OSBPL9: variants seen among roughly 807,000 people sequenced by gnomAD.
OSBPL9 encodes oxysterol-binding protein-related protein 9.
A neutral mutation model predicts 106.6 loss-of-function variants in OSBPL9; 40 were observed. The observed-to-expected ratio is 0.38, with a 90% CI of 0.29 to 0.49. OSBPL9 has a LOEUF of 0.49. OSBPL9 is among the 20% of genes least tolerant of loss of function. OSBPL9 has a pLI of 0.97. For missense variants in OSBPL9, 609 were observed against 887.2 expected (o/e 0.69, Z 3.98); for synonymous variants, 269 against 295.4 (o/e 0.91, Z 0.92).
chr1:51,709,884 A>C (rs1387825901), intron 3 of OSBPL9: 1 of 152,444 alleles, frequency 6.6e-6, no homozygotes. Flanking sequence ...GCATGGTCCA[A>C]CATCCTCACA....
At chr1:51,782,528 C>G in intron 16 of OSBPL9, 31 bp from the exon 17 acceptor site, 3 of 1,602,396 alleles carry the variant, frequency 1.9e-6, no homozygotes, top group Non-Finnish European at 2.6e-6. Flanking sequence ...GTTTTCTCAT[C>G]AAAAGAAAAT....
chr1:51,589,607 T>C (rs1645263114), intron 1 of OSBPL9, among the ~76,000 whole-genome samples: 1 of 152,002 alleles, frequency 6.6e-6, no homozygotes, highest in Non-Finnish European at 1.5e-5. Context: ...GAGCAAACCA[T>C]ATGAATATCT....
At chr1:51,624,542 G>A (rs1007525168) in intron 1 of OSBPL9, among the ~76,000 whole-genome samples, 44 of 151,984 alleles carry the variant, frequency 2.9e-4, no homozygotes, top group Admixed American at 2.0e-4. Context: ...CTGAGATCAC[G>A]CCACTGCACT....
chr1:51,772,101 A>G lies in OSBPL9; in HGVS notation c.970A>G (p.Ser324Gly). The G allele has an allele frequency of 6.2e-7, 1 of 1,614,060 alleles. No individual in the cohort carries two copies. Among genetic ancestry groups the G allele is most frequent in the South Asian group, 1.1e-5 (1 of 91,086 alleles). The change falls in exon 13 of 24, where the codon AGC becomes GGC. Residue 324 changes from serine to glycine, a missense_variant. Physicochemically the swap from Ser to Gly is moderately conservative, Grantham distance 56. Transcript: ENST00000428468. ...TGGATCTGCCTCAGTCCTGACACAC[A>G]GCAGCTCGGGAAATAGTCTAAAACG... ...SSGSASVLTH[S>G]SSGNSLKRPD...
chr1:51,598,736 G>A (rs1213245668), intron 2 of OSBPL9, among the ~76,000 whole-genome samples: 1 of 152,190 alleles, frequency 6.6e-6, no homozygotes, highest in East Asian at 1.9e-4. Flanking sequence ...GCTCACGCCT[G>A]TAATCCTAGC....
chr1:51,742,617 T>G (rs746927940), intron 4 of OSBPL9, among the ~76,000 whole-genome samples: 5 of 152,002 alleles, frequency 3.3e-5, no homozygotes, highest in Non-Finnish European at 7.4e-5. Context: ...ATGCCTATAG[T>G]CCCAGCTACT....
chr1:51,544,837 C>CTTTT, the OSBPL9 span, among the ~76,000 whole-genome samples: 323 of 80,282 alleles, frequency 4.0e-3, 1 homozygote, highest in Non-Finnish European at 5.3e-3. Flanking sequence ...AAGAGACATG[C>CTTTT]TTTTTTTTTT....
intron 4 of OSBPL9, among the ~76,000 whole-genome samples, chr1:51,739,828 G>A (rs1228180964): frequency 2.6e-5 from 4 of 151,986 alleles, no homozygotes; most frequent in African/African-American, 7.2e-5. Flanking sequence ...ACAGATTAGT[G>A]TGCCTCACAT....
At chr1:51,761,072 A>G (rs889556945) in intron 10 of OSBPL9, among the ~76,000 whole-genome samples, 12 of 152,326 alleles carry the variant, frequency 7.9e-5, no homozygotes, top group South Asian at 2.1e-4. Flanking sequence ...CTCAGAATTC[A>G]TGGCTAGCGA....
the OSBPL9 span, among the ~76,000 whole-genome samples, chr1:51,568,406 A>T: frequency 1.3e-5 from 2 of 152,212 alleles, no homozygotes; most frequent in Admixed American, 1.3e-4. Flanking sequence ...TTGGTATTCA[A>T]ACCCAAGGCT....
intron 1 of OSBPL9, among the ~76,000 whole-genome samples, chr1:51,634,454 G>C (rs964636747): frequency 8.5e-5 from 13 of 152,200 alleles, no homozygotes; most frequent in African/African-American, 3.1e-4. Context: ...GAGGTTGTAG[G>C]GAAGTTGAAA....
rs1051985916 is a variant in OSBPL9 at position 51,788,893 on chromosome 1, G to GTAT, written c.*1107_*1109dup. Among the ~76,000 whole-genome samples the GTAT allele has an allele frequency of 3.2e-4, 47 of 147,070 alleles. No individual in the cohort carries two copies. The East Asian group carries it at 8.3e-3, about 26-fold the overall frequency. Reference sequence around the variant, plus strand: ...ATTTAAAAATACATTAAAAAAACAGGTATTAGTACCTAGCATTTAGTTAGT... The same window carrying GTAT: ...ATTTAAAAATACATTAAAAAAACAGGTATTATTAGTACCTAGCATTTAGTTAGT... On this transcript the variant is annotated 3_prime_UTR_variant, in exon 24 of 24. Transcript: ENST00000428468.
chr1:51,787,411 G>A lies in OSBPL9; in HGVS notation c.2059G>A (p.Ala687Thr). 6.2e-7 allele frequency: 1 copy of A among 1,614,076 alleles called. No homozygotes were observed. The highest frequency in any genetic ancestry group is 1.1e-5 in the South Asian group (1 of 91,078). Residue 687 changes from alanine (A) to threonine (T), a missense_variant, in exon 23 of 24, where the codon GCA (alanine) becomes ACA (threonine). Physicochemically the swap from Ala to Thr is moderately conservative, Grantham distance 58 (BLOSUM62 0). Coordinates refer to ENST00000428468, the MANE Select transcript of OSBPL9 (RefSeq NM_024586.6). The part of the protein sequence containing the change: ...KIRDIDAATE[A>T]KHRLEERQRA... ...CAGAGACATTGATGCAGCAACTGAA[G>A]CAAAGCACAGGCTTGAAGAAAGACA...
At chr1:51,776,744 T>G in intron 14 of OSBPL9, 89 bp from the exon 15 acceptor site, 1 of 812,698 alleles carries the variant, frequency 1.2e-6, no homozygotes, top group Non-Finnish European at 2.0e-6. Context: ...AATGAGGTGG[T>G]GTTTTGTTTT....
At chr1:51,569,624 G>A in the OSBPL9 span, 6 of 152,194 alleles carry the variant, frequency 3.9e-5, no homozygotes, top group East Asian at 7.7e-4. Flanking sequence ...TTACATATCC[G>A]CCACCACAAT....
the OSBPL9 span, among the ~76,000 whole-genome samples, chr1:51,544,568 C>T: frequency 1.3e-5 from 2 of 152,102 alleles, no homozygotes; most frequent in Non-Finnish European, 2.9e-5. Context: ...GAGAGAGAAG[C>T]TCTCTTAAGC....
chr1:51,714,056 C>A lies in OSBPL9; in HGVS notation c.295C>A (p.Leu99Ile), dbSNP rs1330216668. ...KWIHALEETILRHTLQLQGLD... is the reference protein window; with the variant it reads ...KWIHALEETIIRHTLQLQGLD... ...GATCCATGCCTTAGAAGAAACAATT[C>A]TTCGACATACTCTCCAGCTTCAAGT... is the stretch of plus-strand genomic sequence containing the variant. Residue 99 changes from leucine (L) to isoleucine (I), a missense_variant, in exon 4 of 24, where the codon CTT (leucine) becomes ATT (isoleucine). Physicochemically the swap from Leu to Ile is conservative, Grantham distance 5. Transcript: ENST00000428468. 3 of 1,609,214 alleles carry A rather than the reference C, an allele frequency of 1.9e-6. No homozygotes were observed. Among genetic ancestry groups the A allele is most frequent in the Non-Finnish European group, 2.5e-6 (3 of 1,177,134 alleles).
intron 11 of OSBPL9, among the ~76,000 whole-genome samples, chr1:51,762,724 G>A (rs1247036903): frequency 6.6e-6 from 1 of 152,200 alleles, no homozygotes; most frequent in Non-Finnish European, 1.5e-5. Flanking sequence ...CTTAGGTTAT[G>A]TGTTTCTGTG....
chr1:51,631,434 T>C (rs1415615601), intron 1 of OSBPL9, among the ~76,000 whole-genome samples: 1 of 151,886 alleles, frequency 6.6e-6, no homozygotes, highest in East Asian at 1.9e-4. Flanking sequence ...CCCAGCTACT[T>C]GGAGGCTGAG....
Sources: allele counts gnomAD v4.1 joint callset (sites outside exome capture counted in the v4.1 genomes callset), GRCh38; gene constraint gnomAD v4.1.1; transcripts MANE v1.5; gene names NCBI Gene and HGNC (gene_info 2026-07-23, HGNC 2026-07-21).